The following FGGY variants were observed in gnomAD, a reference collection of about 807,000 sequenced individuals.
The protein encoded by FGGY is FGGY carbohydrate kinase domain-containing protein.
Under a neutral mutation model 71.3 loss-of-function variants are expected in FGGY, and 72 were observed. The ratio of observed to expected loss-of-function variants is 1.01; its 90% CI spans 0.84 to 1.23. The LOEUF is 1.23. Ranked by LOEUF, FGGY falls within the 50% of genes most tolerant of loss-of-function variation. The pLI is 0.00. For synonymous variants in FGGY, 251 were observed against 250.3 expected, an observed-to-expected ratio of 1.00 and a Z score of -0.02; for missense variants, 668 against 682.3, an observed-to-expected ratio of 0.98 and a Z score of 0.23.
rs575994747 is a variant in FGGY, at chr1:59,591,706, T to G, written c.904-16097T>G. On this transcript the variant is annotated intron_variant, in intron 8 of 15. Coordinates refer to ENST00000303721, the MANE Select transcript of FGGY (RefSeq NM_018291.5). ...AATGGGGAAAGGATTCCCTATTTAA[T>G]AAATGGTGCTGGGAAAACTGGCTAG... Among the ~76,000 whole-genome samples, 643 of 152,264 alleles carry G rather than the reference T, an allele frequency of 4.2e-3. 5 individuals carry two copies. The highest frequency in any genetic ancestry group is 0.01 in the Middle Eastern group (3 of 294).
At chr1:59,523,515 G>T (rs2094892639) in intron 7 of FGGY, among the ~76,000 whole-genome samples, 1 of 152,182 alleles carries the variant, frequency 6.6e-6, no homozygotes, top group South Asian at 2.1e-4. Flanking sequence ...AGAGCAAAGA[G>T]AAATAATTTT....
At chr1:59,528,213 A>G (rs555377384) in intron 7 of FGGY, among the ~76,000 whole-genome samples, 1 of 152,370 alleles carries the variant, frequency 6.6e-6, no homozygotes, top group African/African-American at 2.4e-5. Context: ...ACTGCATTTT[A>G]AATTTTTTGT....
chr1:59,332,984 C>T (rs1160904679), intron 2 of FGGY, among the ~76,000 whole-genome samples: 3 of 152,212 alleles, frequency 2.0e-5, no homozygotes. Context: ...TCAGACTCCA[C>T]TGATCCCATT....
intron 8 of FGGY, among the ~76,000 whole-genome samples, chr1:59,600,802 G>A (rs1440776081): frequency 6.6e-6 from 1 of 152,158 alleles, no homozygotes; most frequent in Non-Finnish European, 1.5e-5. Context: ...ATCCAAGTTT[G>A]TCAGACTCCT....
At chr1:59,680,201 A>G (rs1419610307) in intron 14 of FGGY, among the ~76,000 whole-genome samples, 1 of 150,918 alleles carries the variant, frequency 6.6e-6, no homozygotes, top group African/African-American at 2.4e-5. Flanking sequence ...TTTTTTTTTT[A>G]GTAGCCTTTT....
chr1:59,451,399 G>A (rs537652663), intron 5 of FGGY, among the ~76,000 whole-genome samples: 71 of 149,662 alleles, frequency 4.7e-4, no homozygotes, highest in African/African-American at 1.7e-3. Flanking sequence ...TTGTAGAACA[G>A]CAAGCCTATT....
At chr1:59,373,714 G>T (rs1448656679) in intron 4 of FGGY, among the ~76,000 whole-genome samples, 3 of 152,076 alleles carry the variant, frequency 2.0e-5, no homozygotes, top group African/African-American at 4.8e-5. Context: ...CAGAGATATA[G>T]ATCAATGGAA....
chr1:59,705,917 G>A (rs76339985), intron 14 of FGGY, among the ~76,000 whole-genome samples: 4,515 of 152,228 alleles, frequency 0.03, 218 homozygotes, highest in African/African-American at 0.1. Context: ...GTAGCCAAAT[G>A]GTGGAGGCAT....
chr1:59,467,510 T>C (rs906097338), intron 6 of FGGY, among the ~76,000 whole-genome samples: 40 of 151,814 alleles, frequency 2.6e-4, no homozygotes, highest in African/African-American at 9.0e-4. Context: ...AAAAAAAACA[T>C]ACAAACCTAT....
intron 5 of FGGY, among the ~76,000 whole-genome samples, chr1:59,409,596 T>TATATATATATATATATATATATA (rs1557833921): frequency 2.4e-5 from 2 of 84,046 alleles, no homozygotes; most frequent in African/African-American, 8.0e-5. Context: ...AGGAAGAGTT[T>TATATATATATATATATATATATA]TTTATATATA....
rs529506521 is a variant in FGGY at position 59,632,920 on chromosome 1, C to A, written c.1074-5308C>A. On this transcript the variant is annotated intron_variant, in intron 10 of 15. Transcript: ENST00000303721. ...ACACCTTTCATTCCCCCATGGTATACAAAGATAATCAGTAAATTCTTGATG... is the reference window on the plus strand; with the variant it reads ...ACACCTTTCATTCCCCCATGGTATAAAAAGATAATCAGTAAATTCTTGATG... Among the ~76,000 whole-genome samples the A allele has an allele frequency of 3.3e-5, 5 of 151,450 alleles. No homozygotes were observed. In the South Asian group the frequency reaches 8.4e-4, roughly 25 times the overall value.
At chr1:59,727,257 G>A (rs918931409) in intron 14 of FGGY, among the ~76,000 whole-genome samples, 10 of 152,156 alleles carry the variant, frequency 6.6e-5, no homozygotes, top group African/African-American at 2.4e-4. Context: ...AATCTGTGAT[G>A]TACATGTTCC....
chr1:59,737,775 C>T lies in FGGY; in HGVS notation c.1513-20156C>T, dbSNP rs560424455. Among the ~76,000 whole-genome samples, 38 of 152,198 alleles carry T rather than the reference C, an allele frequency of 2.5e-4. No individual in the cohort carries two copies. The South Asian group carries it at 4.8e-3, about 19-fold the overall frequency. Reference sequence around the variant, plus strand: ...GTGGACTTTTGAGTTAATGCCAAAACGAGTTAAGACTTTGAGGGACTTTTG... The same window carrying T: ...GTGGACTTTTGAGTTAATGCCAAAATGAGTTAAGACTTTGAGGGACTTTTG... On this transcript the variant is annotated intron_variant, in intron 14 of 15. Transcript: ENST00000303721.
In FGGY at chr1:59,632,549, C is replaced by T. The variant is rs775628968; in HGVS notation, c.1074-5679C>T. On this transcript the variant is annotated intron_variant, in intron 10 of 15. Coordinates refer to ENST00000303721, the MANE Select transcript of FGGY (RefSeq NM_018291.5). Reference sequence around the variant, plus strand: ...GAATCGCAGATAGATTAAAACTTCCCATTAAAGGCTGTACAAATCCCCCTC... The same window carrying T: ...GAATCGCAGATAGATTAAAACTTCCTATTAAAGGCTGTACAAATCCCCCTC... Among the ~76,000 whole-genome samples the T allele has an allele frequency of 2.9e-4, 44 of 152,100 alleles. 1 individual carries two copies. The highest frequency in any genetic ancestry group is 3.9e-4 in the Admixed American group (6 of 15,260).
At chr1:59,379,402 C>T (rs1419574535) in intron 5 of FGGY, among the ~76,000 whole-genome samples, 1 of 152,034 alleles carries the variant, frequency 6.6e-6, no homozygotes, top group East Asian at 1.9e-4. Flanking sequence ...CCATTGTGCA[C>T]AGTGGTACTT....
intron 6 of FGGY, among the ~76,000 whole-genome samples, chr1:59,472,024 T>A (rs529513927): frequency 4.6e-5 from 7 of 152,246 alleles, no homozygotes; most frequent in Admixed American, 2.6e-4. Flanking sequence ...GGCTCCCACT[T>A]TGGCGGCACT....
intron 1 of FGGY, among the ~76,000 whole-genome samples, chr1:59,297,899 C>CT (rs1439559263): frequency 6.6e-6 from 1 of 151,910 alleles, no homozygotes; most frequent in Non-Finnish European, 1.5e-5. Context: ...ACTTCTGTGT[C>CT]TTAACACAAA....
At chr1:59,469,915 A>G (rs2092852039) in intron 6 of FGGY, among the ~76,000 whole-genome samples, 1 of 152,206 alleles carries the variant, frequency 6.6e-6, no homozygotes, top group Non-Finnish European at 1.5e-5. Context: ...ATGTCCCTGC[A>G]AAGGACATGA....
At chr1:59,374,502 C>T (rs1013965097) in intron 4 of FGGY, among the ~76,000 whole-genome samples, 4 of 152,100 alleles carry the variant, frequency 2.6e-5, no homozygotes, top group Non-Finnish European at 5.9e-5. Flanking sequence ...GTGGCGATTC[C>T]TCAGGGATCT....
Sources: allele counts gnomAD v4.1 joint callset (sites outside exome capture counted in the v4.1 genomes callset), GRCh38; gene constraint gnomAD v4.1.1; transcripts MANE v1.5; gene names NCBI Gene and HGNC (gene_info 2026-07-23, HGNC 2026-07-21).